SYNE3: variants seen among roughly 807,000 people sequenced by gnomAD.
SYNE3 encodes the protein nesprin-3.
In SYNE3, 100 loss-of-function variants were observed where a neutral mutation model predicts 111.2. That is an observed-to-expected ratio of 0.90 (90% CI 0.77 to 1.06). SYNE3 has a LOEUF of 1.06. Among genes scored for constraint, SYNE3 ranks in the 50% least tolerant of loss-of-function variants. The pLI is 0.00. For missense variants in SYNE3, 1,160 were observed against 1,240.3 expected (o/e 0.94, Z 0.97); for synonymous variants, 547 against 533.9 (o/e 1.02, Z -0.34).
chr14:95,511,469 G>C (rs1010516416), intron 1 of SYNE3, among the ~76,000 whole-genome samples: 1 of 152,164 alleles, frequency 6.6e-6, no homozygotes, highest in Non-Finnish European at 1.5e-5. Flanking sequence ...GGGAGACCGA[G>C]GTGGGTGGAT....
intron 11 of SYNE3, among the ~76,000 whole-genome samples, chr14:95,441,909 G>A (rs558216179): frequency 2.3e-4 from 35 of 152,296 alleles, no homozygotes; most frequent in African/African-American, 8.2e-4. Flanking sequence ...ATGGGTGCTC[G>A]CATTCCACCC....
chr14:95,453,734 C>T (rs1887235469), intron 6 of SYNE3, among the ~76,000 whole-genome samples: 1 of 152,164 alleles, frequency 6.6e-6, no homozygotes, highest in Admixed American at 6.5e-5. Context: ...GTGAGCAAGA[C>T]TGGGGGCTGT....
chr14:95,439,173 A>C lies in SYNE3; in HGVS notation c.2247-11T>G. ...CAGTTTCTGATGAGGCTGAGAAGACAAACTCAGCCCAGTCAATGCAGAGAT... is the reference window on the plus strand; with the variant it reads ...CAGTTTCTGATGAGGCTGAGAAGACCAACTCAGCCCAGTCAATGCAGAGAT... On this transcript the variant is annotated splice_polypyrimidine_tract_variant and intron_variant, in intron 13 of 17. Transcript: ENST00000682763. 1 of 1,614,228 alleles carries C rather than the reference A, an allele frequency of 6.2e-7. No individual in the cohort carries two copies. Among genetic ancestry groups the C allele is most frequent in the Non-Finnish European group, 8.5e-7 (1 of 1,180,022 alleles).
chr14:95,437,097 C>T (rs753460822), intron 14 of SYNE3, 116 bp from the exon 15 acceptor site: 66 of 1,275,168 alleles, frequency 5.2e-5, no homozygotes, highest in Middle Eastern at 2.7e-4. Flanking sequence ...CCCAAAATGG[C>T]GACGGGAGAG....
At chr14:95,435,241 GAA>G (rs34798722) in intron 15 of SYNE3, among the ~76,000 whole-genome samples, 1 of 147,656 alleles carries the variant, frequency 6.8e-6, no homozygotes, top group Non-Finnish European at 1.5e-5. Flanking sequence ...TATAAAATAA[GAA>G]AAAAAAAAGA....
intron 8 of SYNE3, among the ~76,000 whole-genome samples, chr14:95,447,290 C>G (rs1484742642): frequency 6.6e-6 from 1 of 151,034 alleles, no homozygotes; most frequent in Non-Finnish European, 1.5e-5. Context: ...CCCACCACCA[C>G]ACCCGGCTAA....
intron 8 of SYNE3, chr14:95,449,389 A>AG (rs928638739): frequency 4.1e-6 from 4 of 978,512 alleles, no homozygotes; most frequent in Non-Finnish European, 4.9e-6. Context: ...GTAGAGGTGG[A>AG]GAGAGCCCTG....
Position 95,501,239 on chromosome 14 carries a change from T to G in SYNE3, c.-15+15357A>C, listed in dbSNP as rs144239889. 8.1e-3 allele frequency among the ~76,000 whole-genome samples: 1,237 copies of G among 152,320 alleles called. 21 individuals carry two copies. The highest frequency in any genetic ancestry group is 0.028 in the African/African-American group (1,176 of 41,574). On this transcript the variant is annotated intron_variant, in intron 1 of 17. Coordinates refer to ENST00000682763, the MANE Select transcript of SYNE3 (RefSeq NM_152592.6). ...TTTCTTCAGAGCACACGCAACCTTC[T>G]GATATGTTCTTGTTTATTTATTTGC...
In SYNE3 at chr14:95,436,823, C is replaced by A. The variant is rs1566961022; in HGVS notation, c.2535G>T (p.Leu845=). ...AEDLRTRKSK[L]QELEARVPEG... ...GGACCTTTCCTGGGGAACAGACCTG[C>A]AGCTTCGATTTTCTGGTCCTCAAGT... is the stretch of plus-strand genomic sequence containing the variant. The change falls in exon 15 of 18, where the codon CTG becomes CTT. Residue 845 remains leucine, a synonymous_variant. Transcript: ENST00000682763. The A allele has an allele frequency of 1.2e-6, 2 of 1,614,038 alleles. No homozygotes were observed. The highest frequency in any genetic ancestry group is 2.2e-5 in the East Asian group (1 of 44,884).
At chr14:95,452,512 ACTG>A (rs1170324036) in intron 6 of SYNE3, 129 bp from the exon 7 acceptor site, 1 of 1,252,812 alleles carries the variant, frequency 8.0e-7, no homozygotes. Context: ...AGGGGCAGGA[ACTG>A]GGGCCCCACT....
In SYNE3 at chr14:95,411,725, T is replaced by C. The variant is rs1177943496; in HGVS notation, c.*6101A>G. 6.6e-6 allele frequency: 1 copy of C among 152,152 alleles called. No individual in the cohort carries two copies. Among genetic ancestry groups the C allele is most frequent in the Non-Finnish European group, 1.5e-5 (1 of 68,086 alleles). 9.4% of individuals were successfully genotyped at this position (152,152 alleles called of 1,614,324 possible). On this transcript the variant is annotated 3_prime_UTR_variant, in exon 18 of 18. Transcript: ENST00000682763. ...GGTGAAAAACACTCTGATTACAGAA[T>C]CCAAAGGAAGCCGCTGGCATCATAG...
rs1903447544 is a variant in SYNE3 at position 95,412,024 on chromosome 14, G to A, written c.*5802C>T. ...CTTAAGCCTCCCCTTGAAGCCTCCAGGAGCCTCCCAAGCTGTGTTGTTCTG... is the reference window on the plus strand; with the variant it reads ...CTTAAGCCTCCCCTTGAAGCCTCCAAGAGCCTCCCAAGCTGTGTTGTTCTG... On this transcript the variant is annotated 3_prime_UTR_variant, in exon 18 of 18. Transcript: ENST00000682763. The A allele has an allele frequency of 6.6e-6, 1 of 152,396 alleles. No individual in the cohort carries two copies. Among genetic ancestry groups the A allele is most frequent in the African/African-American group, 2.4e-5 (1 of 41,458 alleles). The allele number at this position is 152,396 out of a possible 1,614,324, so 9.4% of individuals were successfully genotyped here. A position where few individuals can be genotyped will look rare whatever the true frequency, so the allele number is the denominator to read the frequency against.
chr14:95,507,354 G>A (rs923528689), intron 1 of SYNE3, among the ~76,000 whole-genome samples: 6 of 152,200 alleles, frequency 3.9e-5, no homozygotes, highest in Non-Finnish European at 8.8e-5. Context: ...TTACAAAGCG[G>A]AAGAGCCCAG....
chr14:95,501,075 C>T (rs1890317665), intron 1 of SYNE3, among the ~76,000 whole-genome samples: 1 of 152,232 alleles, frequency 6.6e-6, no homozygotes, highest in Non-Finnish European at 1.5e-5. Context: ...ACCCAGGGGA[C>T]AATGCATGCC....
Position 95,439,151 on chromosome 14 carries a change from T to G in SYNE3, c.2258A>C (p.Asn753Thr), listed in dbSNP as rs1421222204. The G allele has an allele frequency of 6.2e-7, 1 of 1,614,248 alleles. No individual in the cohort carries two copies. Among genetic ancestry groups the G allele is most frequent in the Non-Finnish European group, 8.5e-7 (1 of 1,180,034 alleles). ...LEESLLSLIR[N>T]WHLQRMEVDS... ...CACTTCCATCCTCTGCAGATGCCAGTTTCTGATGAGGCTGAGAAGACAAAC... is the reference window on the plus strand; with the variant it reads ...CACTTCCATCCTCTGCAGATGCCAGGTTCTGATGAGGCTGAGAAGACAAAC... Residue 753 changes from asparagine (N) to threonine (T), a missense_variant, in exon 14 of 18, where the codon AAC (asparagine) becomes ACC (threonine). Coordinates refer to ENST00000682763, the MANE Select transcript of SYNE3 (RefSeq NM_152592.6).
chr14:95,419,683 G>A (rs1329499043), intron 17 of SYNE3, among the ~76,000 whole-genome samples: 1 of 134,212 alleles, frequency 7.5e-6, no homozygotes, highest in African/African-American at 2.8e-5. Context: ...TGGTGGTGAT[G>A]CGATAATGAT....
intron 17 of SYNE3, among the ~76,000 whole-genome samples, chr14:95,430,550 G>C (rs11625295): frequency 2.0e-5 from 3 of 152,036 alleles, no homozygotes; most frequent in South Asian, 4.1e-4. Context: ...TAGGCTGGGT[G>C]CAGTGGCTCA....
At chr14:95,468,034 T>C (rs1888303263) in intron 2 of SYNE3, 67 bp from the exon 3 acceptor site, 24 of 1,528,998 alleles carry the variant, frequency 1.6e-5, no homozygotes, top group Non-Finnish European at 1.9e-5. Flanking sequence ...CTTGGGAAGA[T>C]AGTGGCATGG....
rs1018158104 is a variant in SYNE3, at chr14:95,485,635, C to A, written c.-14-9800G>T. On this transcript the variant is annotated intron_variant, in intron 1 of 17. Coordinates refer to ENST00000682763, the MANE Select transcript of SYNE3 (RefSeq NM_152592.6). The surrounding 1 kb of genome is among the most constrained non-coding windows in gnomAD (Gnocchi z 4.3). ...TTTCCCTCTGCCCTCACCAGGCTGT[C>A]TCCTCTCCCTCTCCCCTTACACCAC... 6.6e-6 allele frequency among the ~76,000 whole-genome samples: 1 copy of A among 152,068 alleles called. No individual in the cohort carries two copies. Among genetic ancestry groups the A allele is most frequent in the Admixed American group, 6.5e-5 (1 of 15,288 alleles).
Sources: gnomAD v4.1 joint callset for allele counts (sites outside exome capture counted in the v4.1 genomes callset) on GRCh38, gnomAD v4.1.1 for gene constraint, Gnocchi (gnomAD v3.1) non-coding constraint, MANE v1.5 for transcripts, NCBI Gene and HGNC (gene_info 2026-07-23, HGNC 2026-07-21) for gene names.